Variants in PCDH9 observed in about 807,000 individuals in gnomAD.
The protein encoded by PCDH9 is protocadherin-9.
Under a neutral mutation model 70.6 loss-of-function variants are expected in PCDH9, and 24 were observed. That is an observed-to-expected ratio of 0.34 (90% CI 0.25 to 0.48). The LOEUF is 0.48. PCDH9 is among the 20% of genes least tolerant of loss of function. PCDH9 has a pLI of 0.99. For missense variants in PCDH9, 1,281 were observed against 1,503.6 expected, an observed-to-expected ratio of 0.85 and a Z score of 2.45; for synonymous variants, 562 against 558.5, an observed-to-expected ratio of 1.01 and a Z score of -0.09.
intron 2 of PCDH9, chr13:67,224,104 T>C (rs1044437761): frequency 6.6e-6 from 1 of 152,222 alleles, no homozygotes; most frequent in Non-Finnish European, 1.5e-5. Context: ...TAACTGTTGA[T>C]ACTGTTCTGC....
intron 3 of PCDH9, among the ~76,000 whole-genome samples, chr13:66,736,158 C>T (rs1277940263): frequency 1.3e-5 from 2 of 152,034 alleles, no homozygotes; most frequent in South Asian, 2.1e-4. Context: ...TTTTCTTATG[C>T]CTGAACTTTG....
chr13:66,780,740 T>A (rs1037523153), intron 3 of PCDH9, among the ~76,000 whole-genome samples: 2 of 151,912 alleles, frequency 1.3e-5, no homozygotes, highest in Non-Finnish European at 2.9e-5. Flanking sequence ...ATTTCTTAGG[T>A]CTCCTCCACA....
At chr13:66,778,617 T>C (rs530385808) in intron 3 of PCDH9, among the ~76,000 whole-genome samples, 72 of 152,368 alleles carry the variant, frequency 4.7e-4, no homozygotes, top group Middle Eastern at 3.4e-3. Context: ...ACTGAGGTTA[T>C]ATAACTAAAT....
At chr13:66,956,990 G>C (rs1009835363) in intron 2 of PCDH9, among the ~76,000 whole-genome samples, 1 of 151,954 alleles carries the variant, frequency 6.6e-6, no homozygotes, top group African/African-American at 2.4e-5. Flanking sequence ...TTTTCACAGG[G>C]GCTACTCTAA....
chr13:66,411,738 T>C (rs1957374158), intron 4 of PCDH9, among the ~76,000 whole-genome samples: 1 of 152,170 alleles, frequency 6.6e-6, no homozygotes, highest in South Asian at 2.1e-4. Context: ...ATTTGATATG[T>C]TGCATATAAA....
intron 4 of PCDH9, among the ~76,000 whole-genome samples, chr13:66,615,639 G>A (rs947583619): frequency 6.6e-6 from 1 of 152,174 alleles, no homozygotes; most frequent in Non-Finnish European, 1.5e-5. Flanking sequence ...AAAATGTACA[G>A]AAATCATGAA....
In PCDH9 at chr13:66,702,695, G is replaced by A. The variant is rs1593919555; in HGVS notation, c.3139-71284C>T. Among the ~76,000 whole-genome samples, 9 of 152,204 alleles carry A rather than the reference G, an allele frequency of 5.9e-5. No individual in the cohort carries two copies. The South Asian group carries it at 1.9e-3, about 32-fold the overall frequency. On this transcript the variant is annotated intron_variant, in intron 3 of 4. Coordinates refer to ENST00000377865, the MANE Select transcript of PCDH9 (RefSeq NM_203487.3). Reference sequence around the variant, plus strand: ...TATATGTATATCAAAACATCATGTTGTACACCTTAAATATATACAATTTTT... The same window carrying A: ...TATATGTATATCAAAACATCATGTTATACACCTTAAATATATACAATTTTT...
chr13:66,875,383 T>A (rs1297620404), intron 3 of PCDH9, among the ~76,000 whole-genome samples: 1 of 152,226 alleles, frequency 6.6e-6, no homozygotes, highest in Admixed American at 6.5e-5. Context: ...AAGCATATGT[T>A]ATGCTTGTCT....
At chr13:66,760,565 T>C (rs991888194) in intron 3 of PCDH9, among the ~76,000 whole-genome samples, 7 of 152,330 alleles carry the variant, frequency 4.6e-5, no homozygotes, top group Middle Eastern at 3.4e-3. Context: ...GACCCTGTGA[T>C]GATTGTTATC....
rs562176354 is a variant in PCDH9 at position 66,829,717 on chromosome 13, CAAAAAAAAAA to C, written c.3138+73777_3138+73786del. 9.4e-3 allele frequency among the ~76,000 whole-genome samples: 502 copies of C among 53,138 alleles called. 2 individuals are homozygous for C. The highest frequency in any genetic ancestry group is 0.014 in the Non-Finnish European group (434 of 30,964). The allele number at this position is 53,138 out of a possible 152,430, so 34.9% of individuals were successfully genotyped here. A position where few individuals can be genotyped will look rare whatever the true frequency, so the allele number is the denominator to read the frequency against. ...TGGGCGACAGAGCGAGACTCCGTCTCAAAAAAAAAAAAAAAAAAAAAAAAAAAAATTTCAT... is the reference window on the plus strand; with the variant it reads ...TGGGCGACAGAGCGAGACTCCGTCTCAAAAAAAAAAAAAAAAAAATTTCAT... On this transcript the variant is annotated intron_variant, in intron 3 of 4. Coordinates refer to ENST00000377865, the MANE Select transcript of PCDH9 (RefSeq NM_203487.3).
intron 3 of PCDH9, among the ~76,000 whole-genome samples, chr13:66,730,088 C>G (rs776717185): frequency 2.6e-5 from 4 of 152,174 alleles, no homozygotes; most frequent in Non-Finnish European, 4.4e-5. Flanking sequence ...CCCCATTATA[C>G]TACTTCTGTA....
intron 2 of PCDH9, among the ~76,000 whole-genome samples, chr13:67,137,050 A>G (rs552547099): frequency 1.6e-3 from 250 of 152,166 alleles, no homozygotes; most frequent in Middle Eastern, 6.8e-3. Flanking sequence ...TGCAGCACAC[A>G]AACATGGCAC....
intron 4 of PCDH9, among the ~76,000 whole-genome samples, chr13:66,509,887 CA>C (rs1836753067): frequency 6.6e-6 from 1 of 152,066 alleles, no homozygotes; most frequent in African/African-American, 2.4e-5. Context: ...AAGAAAAATG[CA>C]ACTTAACTGG....
intron 4 of PCDH9, among the ~76,000 whole-genome samples, chr13:66,363,102 C>G (rs1280255188): frequency 6.6e-6 from 1 of 152,090 alleles, no homozygotes; most frequent in African/African-American, 2.4e-5. Context: ...TCGCTTGAAC[C>G]TAGGAGGCAA....
At chr13:67,184,025 A>T (rs1160728801) in intron 2 of PCDH9, among the ~76,000 whole-genome samples, 1 of 152,214 alleles carries the variant, frequency 6.6e-6, no homozygotes, top group African/African-American at 2.4e-5. Context: ...TTATGAGAAA[A>T]CTAGTATCCT....
chr13:67,044,509 T>C (rs1344431012), intron 2 of PCDH9, among the ~76,000 whole-genome samples: 3 of 152,134 alleles, frequency 2.0e-5, no homozygotes, highest in South Asian at 2.1e-4. Context: ...ACGTACAAAG[T>C]GCAATATCTC....
intron 2 of PCDH9, among the ~76,000 whole-genome samples, chr13:66,993,435 GA>G (rs1453952292): frequency 3.9e-5 from 6 of 152,172 alleles, no homozygotes; most frequent in African/African-American, 1.4e-4. Context: ...TAAATGAAAA[GA>G]ACTTGGGTAG....
At chr13:67,023,914 C>G (rs2084728649) in intron 2 of PCDH9, among the ~76,000 whole-genome samples, 1 of 151,406 alleles carries the variant, frequency 6.6e-6, no homozygotes. Context: ...ACAGACCAAA[C>G]TGTACATTAA....
intron 4 of PCDH9, among the ~76,000 whole-genome samples, chr13:66,432,427 C>A (rs1401142868): frequency 2.6e-5 from 4 of 151,972 alleles, no homozygotes; most frequent in Non-Finnish European, 4.4e-5. Flanking sequence ...TCTATCATAA[C>A]TATGACAACA....
Sources: gnomAD v4.1 joint callset for allele counts (sites outside exome capture counted in the v4.1 genomes callset) on GRCh38, gnomAD v4.1.1 for gene constraint, MANE v1.5 for transcripts, NCBI Gene and HGNC (gene_info 2026-07-23, HGNC 2026-07-21) for gene names.